The following CMTM8 variants were observed in gnomAD, a reference collection of about 807,000 sequenced individuals.
The protein encoded by CMTM8 is CKLF like MARVEL transmembrane domain containing 8, also known as CKLF-like MARVEL transmembrane domain-containing protein 8.
A neutral mutation model predicts 18.6 loss-of-function variants in CMTM8; 12 were observed. The ratio of observed to expected loss-of-function variants is 0.65; its 90% CI spans 0.41 to 1.05. The LOEUF is 1.05. Among genes scored for constraint, CMTM8 ranks in the 50% least tolerant of loss-of-function variants. CMTM8 has a pLI of 0.00. For synonymous variants in CMTM8, 87 were observed against 90.6 expected, an observed-to-expected ratio of 0.96 and a Z score of 0.23; for missense variants, 217 against 227.2, an observed-to-expected ratio of 0.95 and a Z score of 0.29.
intron 1 of CMTM8, among the ~76,000 whole-genome samples, chr3:32,307,153 A>G (rs1695730511): frequency 6.6e-6 from 1 of 152,142 alleles, no homozygotes; most frequent in Non-Finnish European, 1.5e-5. Context: ...CAGCCTGGCC[A>G]ACATGGTGAA....
intron 1 of CMTM8, among the ~76,000 whole-genome samples, chr3:32,272,179 A>G (rs1702448488): frequency 6.6e-6 from 1 of 152,178 alleles, no homozygotes; most frequent in South Asian, 2.1e-4. Context: ...GTTGTTGTCG[A>G]TGTTGGCAGT....
chr3:32,249,406 G>A (rs1702086139), intron 1 of CMTM8, among the ~76,000 whole-genome samples: 1 of 150,758 alleles, frequency 6.6e-6, no homozygotes, highest in Admixed American at 6.6e-5. Context: ...CTCCAGCCTG[G>A]GTGACAAAGT....
At chr3:32,244,029 C>A in intron 1 of CMTM8, 1 of 168,344 alleles carries the variant, frequency 5.9e-6, no homozygotes, top group Non-Finnish European at 1.3e-5. Flanking sequence ...GGTAGACCAA[C>A]TTTGAATTCA....
chr3:32,313,403 TAGC>T (rs1236518223), intron 1 of CMTM8, among the ~76,000 whole-genome samples: 2 of 152,222 alleles, frequency 1.3e-5, no homozygotes, highest in South Asian at 2.1e-4. Context: ...GAGAGCCTGT[TAGC>T]AGGCTCCCAC....
rs754870511 is a variant in CMTM8, at chr3:32,281,526, A to C, written c.147+42407A>C. ...GAGATAATATGCTGTGATGAATGCC[A>C]TCTTGAAAACTGTAACATATCTTCC... is the stretch of plus-strand genomic sequence containing the variant. On this transcript the variant is annotated intron_variant, in intron 1 of 3. Transcript: ENST00000307526. Among the ~76,000 whole-genome samples the C allele has an allele frequency of 4.6e-4, 70 of 152,226 alleles. 1 individual carries two copies. The highest frequency in any genetic ancestry group is 2.5e-4 in the Non-Finnish European group (17 of 68,040).
intron 1 of CMTM8, among the ~76,000 whole-genome samples, chr3:32,351,491 T>C (rs1696706232): frequency 6.6e-6 from 1 of 152,160 alleles, no homozygotes; most frequent in Non-Finnish European, 1.5e-5. Flanking sequence ...GAGGATCACT[T>C]GAGCCCAGGA....
In CMTM8 at chr3:32,238,992, C is replaced by G; in HGVS notation, c.20C>G (p.Ala7Gly). Residue 7 changes from alanine (A) to glycine (G), a missense_variant, in exon 1 of 4, where the codon GCC (alanine) becomes GGC (glycine). By Grantham distance (60) the Ala-to-Gly change is moderately conservative. Coordinates refer to ENST00000307526, the MANE Select transcript of CMTM8 (RefSeq NM_178868.5). MEEPQR[A>G]RSHTVTTTAS... The stretch of plus-strand genomic sequence containing the variant: ...TCGACGATGGAGGAGCCGCAGCGCG[C>G]CCGCTCGCACACAGTCACCACCACC... The G allele has an allele frequency of 1.3e-6, 2 of 1,551,612 alleles. No homozygotes were observed. The highest frequency in any genetic ancestry group is 1.2e-5 in the South Asian group (1 of 83,880).
chr3:32,287,101 T>A (rs1240320416), intron 1 of CMTM8, among the ~76,000 whole-genome samples: 2 of 152,250 alleles, frequency 1.3e-5, no homozygotes, highest in Non-Finnish European at 2.9e-5. Flanking sequence ...GCTGTTCCTT[T>A]TTTTGTCTAA....
intron 1 of CMTM8, among the ~76,000 whole-genome samples, chr3:32,328,691 C>T (rs1308862029): frequency 6.6e-6 from 1 of 151,908 alleles, no homozygotes; most frequent in Non-Finnish European, 1.5e-5. Flanking sequence ...GTCAAAGTAT[C>T]ATAAAAGACT....
At chr3:32,284,929 G>T (rs1024227496) in intron 1 of CMTM8, among the ~76,000 whole-genome samples, 3 of 152,180 alleles carry the variant, frequency 2.0e-5, no homozygotes, top group Non-Finnish European at 2.9e-5. Context: ...GATTCATGTG[G>T]CTTTCCTTGT....
chr3:32,294,219 TC>T (rs1702832550), intron 1 of CMTM8, among the ~76,000 whole-genome samples: 1 of 152,206 alleles, frequency 6.6e-6, no homozygotes, highest in African/African-American at 2.4e-5. Context: ...CTAAGTGAAC[TC>T]AGCCTAGTCT....
chr3:32,307,445 G>A (rs1695735944), intron 1 of CMTM8, among the ~76,000 whole-genome samples: 1 of 152,162 alleles, frequency 6.6e-6, no homozygotes, highest in East Asian at 1.9e-4. Flanking sequence ...GGTAGGTGGG[G>A]AGATGGTGTT....
intron 1 of CMTM8, among the ~76,000 whole-genome samples, chr3:32,248,266 G>C (rs1025595005): frequency 4.6e-5 from 7 of 152,140 alleles, no homozygotes; most frequent in Admixed American, 4.6e-4. Context: ...GATCAATTTG[G>C]TGAGTACTGC....
intron 1 of CMTM8, among the ~76,000 whole-genome samples, chr3:32,333,000 T>G (rs1696310603): frequency 6.6e-6 from 1 of 152,236 alleles, no homozygotes; most frequent in African/African-American, 2.4e-5. Flanking sequence ...GTGTTTTTAA[T>G]GTACATAGAT....
intron 1 of CMTM8, among the ~76,000 whole-genome samples, chr3:32,346,336 T>C (rs1696595045): frequency 6.6e-6 from 1 of 152,250 alleles, no homozygotes; most frequent in Non-Finnish European, 1.5e-5. Context: ...ATATGTGAGC[T>C]GTCATCTTCT....
intron 1 of CMTM8, among the ~76,000 whole-genome samples, chr3:32,283,352 T>C (rs1286620950): frequency 6.6e-6 from 1 of 152,222 alleles, no homozygotes; most frequent in African/African-American, 2.4e-5. Flanking sequence ...ACTTTGTGAA[T>C]TGGCTCCAAT....
intron 1 of CMTM8, among the ~76,000 whole-genome samples, chr3:32,308,028 C>T (rs1398772064): frequency 6.6e-6 from 1 of 152,218 alleles, no homozygotes; most frequent in African/African-American, 2.4e-5. Context: ...CTTTAAGCGG[C>T]TCAATTCAAA....
intron 1 of CMTM8, among the ~76,000 whole-genome samples, chr3:32,295,663 A>G (rs1389419155): frequency 2.6e-5 from 4 of 152,020 alleles, no homozygotes; most frequent in Admixed American, 1.3e-4. Flanking sequence ...ACTGCCCTTC[A>G]TGGAACCTCT....
chr3:32,268,072 G>T (rs1330040373), intron 1 of CMTM8, among the ~76,000 whole-genome samples: 11 of 152,312 alleles, frequency 7.2e-5, no homozygotes, highest in Admixed American at 2.6e-4. Flanking sequence ...AATACCATTT[G>T]ACCCAGCCAT....
Sources: gnomAD v4.1 joint callset for allele counts (sites outside exome capture counted in the v4.1 genomes callset) on GRCh38, gnomAD v4.1.1 for gene constraint, MANE v1.5 for transcripts, NCBI Gene and HGNC (gene_info 2026-07-23, HGNC 2026-07-21) for gene names.